The following CACNA1S variants were observed in gnomAD, a reference collection of about 807,000 sequenced individuals.
CACNA1S encodes the protein calcium voltage-gated channel subunit alpha1 S.
In CACNA1S, 126 loss-of-function variants were observed where a neutral mutation model predicts 207.4. The observed-to-expected ratio is 0.61, with a 90% CI of 0.53 to 0.70. The LOEUF is 0.70. Ranked by LOEUF, CACNA1S falls within the 30% of genes least tolerant of loss-of-function variation. CACNA1S has a pLI of 0.00. For missense variants in CACNA1S, 2,349 were observed against 2,422.8 expected, an observed-to-expected ratio of 0.97 and a Z score of 0.64; for synonymous variants, 960 against 932.7, an observed-to-expected ratio of 1.03 and a Z score of -0.53.
intron 1 of CACNA1S, among the ~76,000 whole-genome samples, chr1:201,111,943 TCCCCCAC>T (rs1663122864): frequency 9.2e-6 from 1 of 108,370 alleles, no homozygotes; most frequent in African/African-American, 4.2e-5. Flanking sequence ...TTCCTCCTCC[TCCCCCAC>T]CCTCCTCCTC....
At position 201,093,458 on chromosome 1, in the gene CACNA1S, C is replaced by A. The variant is rs534521090; in HGVS notation, c.398+424G>T. ...TGGAATGTTATTATGGCAGCCCTAG[C>A]AAACTAATACAGGTTAATAAATGTC... On this transcript the variant is annotated intron_variant, in intron 3 of 43. Transcript: ENST00000362061. Among the ~76,000 whole-genome samples the A allele has an allele frequency of 2.3e-3, 345 of 152,308 alleles. 2 individuals carry two copies. Among genetic ancestry groups the A allele is most frequent in the African/African-American group, 8.0e-3 (331 of 41,566 alleles).
At chr1:201,073,278 G>C (rs573456538) in intron 15 of CACNA1S, among the ~76,000 whole-genome samples, 64 of 152,198 alleles carry the variant, frequency 4.2e-4, no homozygotes, top group Admixed American at 7.8e-4. Flanking sequence ...GTGTCAGGGA[G>C]AGGAAATACC....
Position 201,061,405 on chromosome 1 carries a change from C to T in CACNA1S, c.3117G>A (p.Val1039=). The change falls in exon 25 of 44, where the codon GTG becomes GTA. Residue 1039 remains valine, a synonymous_variant. Transcript: ENST00000362061. ...EDVGPIYNNR[V]EMAIFFIIYI... ...AGATGATGAAGAAGATGGCCATCTC[C>T]ACACGGTTGTTGTAGATGGGACCCA... is the stretch of plus-strand genomic sequence containing the variant. 1.9e-6 allele frequency: 3 copies of T among 1,614,234 alleles called. No homozygotes were observed. The highest frequency in any genetic ancestry group is 2.2e-5 in the South Asian group (2 of 91,088).
chr1:201,056,647 GT>G (rs1207299711), intron 28 of CACNA1S, among the ~76,000 whole-genome samples: 1 of 152,174 alleles, frequency 6.6e-6, no homozygotes, highest in African/African-American at 2.4e-5. Context: ...TTGGGCAACT[GT>G]TTTTTGATTT....
intron 34 of CACNA1S, 60 bp downstream of exon 34, chr1:201,050,329 G>T: frequency 1.3e-6 from 2 of 1,592,142 alleles, no homozygotes; most frequent in Non-Finnish European, 1.7e-6. Flanking sequence ...GACTCCCTGT[G>T]AGACGGTAGG....
chr1:201,075,356 C>T, intron 13 of CACNA1S, 139 bp downstream of exon 13: 1 of 920,032 alleles, frequency 1.1e-6, no homozygotes. Context: ...GTCCTACCCC[C>T]TACCGCATGG....
rs2102553716 is a variant in CACNA1S at position 201,047,628 on chromosome 1, T to C, written c.4442-2A>G. On this transcript the variant is annotated splice_acceptor_variant, in intron 36 of 43. Coordinates refer to ENST00000362061, the MANE Select transcript of CACNA1S (RefSeq NM_000069.3). LOFTEE classifies it high-confidence loss of function. ...CCTCGTTGGCCTGCTCAAAGTTACC[T>C]GGAGCAGGAGAAAGGCAAAAGTTAC... The C allele has an allele frequency of 6.2e-7, 1 of 1,612,772 alleles. No individual in the cohort carries two copies. Among genetic ancestry groups the C allele is most frequent in the African/African-American group, 1.3e-5 (1 of 75,026 alleles).
chr1:201,048,809 G>A, intron 35 of CACNA1S, 125 bp from the exon 36 acceptor site: 2 of 887,798 alleles, frequency 2.3e-6, no homozygotes, highest in Non-Finnish European at 3.7e-6. Context: ...CAGCTGACCA[G>A]GACATCCTTT....
At position 201,070,296 on chromosome 1, in the gene CACNA1S, A is replaced by C. The variant is rs1230889100; in HGVS notation, c.2336T>G (p.Phe779Cys). Residue 779 changes from phenylalanine (F) to cysteine (C), a missense_variant, in exon 17 of 44, where the codon TTC (phenylalanine) becomes TGC (cysteine). Transcript: ENST00000362061. ...KAVPIPEASS[F>C]FIFSPTNKIR... is the part of the protein sequence containing the mutation. ...CTTATTGGTGGGGCTGAAGATGAAGAAGGAGCTGGCTTCTGGAATGGGCAC... is the reference window on the plus strand; with the variant it reads ...CTTATTGGTGGGGCTGAAGATGAAGCAGGAGCTGGCTTCTGGAATGGGCAC... 2 of 1,614,070 alleles carry C rather than the reference A, an allele frequency of 1.2e-6. No homozygotes were observed. Among genetic ancestry groups the C allele is most frequent in the East Asian group, 4.5e-5 (2 of 44,882 alleles).
chr1:201,064,443 C>G (rs1661174109), intron 22 of CACNA1S, among the ~76,000 whole-genome samples: 1 of 152,252 alleles, frequency 6.6e-6, no homozygotes, highest in South Asian at 2.1e-4. Context: ...CTCTCAGAGC[C>G]TGTTCCCTGC....
At position 201,083,342 on chromosome 1, in the gene CACNA1S, A is replaced by C. The variant is rs1320390320; in HGVS notation, c.1233-20T>G. The C allele has an allele frequency of 1.9e-6, 3 of 1,613,764 alleles. No individual in the cohort carries two copies. Among genetic ancestry groups the C allele is most frequent in the Non-Finnish European group, 2.5e-6 (3 of 1,179,744 alleles). On this transcript the variant is annotated intron_variant, in intron 9 of 43. Coordinates refer to ENST00000362061, the MANE Select transcript of CACNA1S (RefSeq NM_000069.3). ...TGTCGGCTGAGGGAGGGGACAGAGG[A>C]TGGTCTACAGTGCTGTGCTGTTCTA...
intron 7 of CACNA1S, 146 bp from the exon 8 acceptor site, chr1:201,085,727 C>A: frequency 1.2e-6 from 1 of 854,234 alleles, no homozygotes; most frequent in Non-Finnish European, 1.8e-6. Flanking sequence ...GTCCAGGTGC[C>A]CCTCAAGGTG....
In CACNA1S at chr1:201,066,218, C is replaced by A. The variant is rs756261167; in HGVS notation, c.2745+11G>T. On this transcript the variant is annotated intron_variant, in intron 21 of 43. Transcript: ENST00000362061. The surrounding 1 kb of genome is among the most constrained non-coding windows in gnomAD (Gnocchi z 4.3). ...TTCCTCTCTGGGGCTCCTGCCCGGGCCCTCTCTCACCTTCAACCCCTTGGC... is the reference window on the plus strand; with the variant it reads ...TTCCTCTCTGGGGCTCCTGCCCGGGACCTCTCTCACCTTCAACCCCTTGGC... 21 of 1,612,778 alleles carry A rather than the reference C, an allele frequency of 1.3e-5. No individual in the cohort carries two copies. Among genetic ancestry groups the A allele is most frequent in the Non-Finnish European group, 1.8e-5 (21 of 1,179,106 alleles).
At chr1:201,042,894 C>T (rs538134381) in intron 40 of CACNA1S, 3 of 264,814 alleles carry the variant, frequency 1.1e-5, no homozygotes, top group Non-Finnish European at 2.2e-5. Context: ...CCACCCAGCA[C>T]AGCGGGATCT....
chr1:201,093,832 C>T (rs748077492), intron 3 of CACNA1S, 50 bp downstream of exon 3: 2 of 1,609,322 alleles, frequency 1.2e-6, no homozygotes, highest in Admixed American at 1.7e-5. Flanking sequence ...AGTGGGCACA[C>T]AGTCCTCAGC....
chr1:201,079,130 A>AC (rs1182214530), intron 10 of CACNA1S, among the ~76,000 whole-genome samples: 3 of 150,406 alleles, frequency 2.0e-5, no homozygotes, highest in East Asian at 3.9e-4. Context: ...AAAAAAAAAA[A>AC]AACAAAAAAA....
chr1:201,064,221 C>T (rs1163497890), intron 22 of CACNA1S, among the ~76,000 whole-genome samples: 4 of 152,156 alleles, frequency 2.6e-5, no homozygotes, highest in Non-Finnish European at 5.9e-5. Context: ...AGACACTGCC[C>T]TCAGGGGATT....
chr1:201,040,283 C>G lies in CACNA1S; in HGVS notation c.5318G>C (p.Arg1773Thr), dbSNP rs1180536014. 1.9e-6 allele frequency: 3 copies of G among 1,613,778 alleles called. No homozygotes were observed. Among genetic ancestry groups the G allele is most frequent in the Admixed American group, 3.3e-5 (2 of 59,970 alleles). Residue 1773 changes from arginine (R) to threonine (T), a missense_variant, in exon 43 of 44, where the codon AGG becomes ACG. Coordinates refer to ENST00000362061, the MANE Select transcript of CACNA1S (RefSeq NM_000069.3). ...TGCTGAGCACCTGGAAGTATTCTCC[C>G]TGGTGCTCCTGCTGTGGGGTGTCTC... ...HEETPHSRSTRENTSRCSAPA... is the reference protein window; with the variant it reads ...HEETPHSRSTTENTSRCSAPA...
In CACNA1S at chr1:201,089,416, T is replaced by C; in HGVS notation, c.742A>G (p.Thr248Ala). ...ATGGTGCACCGGCGCCCTGAGCCCG[T>C]CCTGGCGCAGGGCGATGGCTCTTCA... ...ENEEPSPCAR[T>A]GSGRRCTING... The change falls in exon 6 of 44, where the codon ACG (threonine) becomes GCG (alanine). Residue 248 changes from threonine (T) to alanine (A), a missense_variant. Transcript: ENST00000362061. 3 of 1,614,122 alleles carry C rather than the reference T, an allele frequency of 1.9e-6. No individual in the cohort carries two copies. Among genetic ancestry groups the C allele is most frequent in the Non-Finnish European group, 2.5e-6 (3 of 1,180,030 alleles).
Sources: gnomAD v4.1 joint callset for allele counts (sites outside exome capture counted in the v4.1 genomes callset) on GRCh38, gnomAD v4.1.1 for gene constraint, Gnocchi (gnomAD v3.1) non-coding constraint, MANE v1.5 for transcripts, NCBI Gene and HGNC (gene_info 2026-07-23, HGNC 2026-07-21) for gene names.